Variants in MYPN observed in about 807,000 individuals in gnomAD.
MYPN encodes the protein sarcomeric protein myopalladin, 145 kDa (MYOP).
Under a neutral mutation model 129.4 loss-of-function variants are expected in MYPN, and 63 were observed. The ratio of observed to expected loss-of-function variants is 0.49; its 90% confidence interval spans 0.40 to 0.60. The LOEUF (loss-of-function observed/expected upper bound fraction) is 0.60, where lower values mean the gene tolerates loss of function less well. Ranked by LOEUF, MYPN falls within the 20% of genes least tolerant of loss-of-function variation. The probability of loss-of-function intolerance (pLI) is 0.00; values close to 1 mark genes in which losing one functional copy is unlikely to be tolerated. For synonymous variants in MYPN, 629 were observed against 600.9 expected (o/e 1.05, Z -0.68); for missense variants, 1,596 against 1,635.4 (o/e 0.98, Z 0.42).
chr10:68,199,778 A>G (rs1160464178), intron 17 of MYPN, among the ~76,000 whole-genome samples: 2 of 152,222 alleles, frequency 1.3e-5, no homozygotes, highest in African/African-American at 4.8e-5. Flanking sequence ...CACCATGTGC[A>G]TAATACCCAT....
rs10997976 is a variant in MYPN at position 68,174,859 on chromosome 10, G to T, written c.2564+203G>T. On this transcript the variant is annotated intron_variant, in intron 11 of 19. Coordinates refer to ENST00000358913, the MANE Select transcript of MYPN (RefSeq NM_032578.4). The stretch of plus-strand genomic sequence containing the variant: ...ATTAATAATTAAAATATCAGGCTAG[G>T]TGTGGTAACTCATGCCTGTAATCCC... Among the ~76,000 whole-genome samples the T allele has an allele frequency of 0.27, 40,657 of 152,056 alleles. 6,081 individuals are homozygous for T. The highest frequency in any genetic ancestry group is 0.68 in the East Asian group (3,529 of 5,156).
At chr10:68,150,633 G>A (rs1267067580) in intron 6 of MYPN, among the ~76,000 whole-genome samples, 2 of 152,146 alleles carry the variant, frequency 1.3e-5, no homozygotes, top group African/African-American at 4.8e-5. Flanking sequence ...ATTTAGTCAA[G>A]CACATTCATT....
At chr10:68,107,341 C>CTTT (rs1217100514), upstream of MYPN, among the ~76,000 whole-genome samples, 3 of 113,452 alleles carry the variant, frequency 2.6e-5, no homozygotes, top group Non-Finnish European at 5.3e-5. Context: ...CTTCTCTTTT[C>CTTT]TTTTTTTTTT....
rs1441943453 is a variant in MYPN, at chr10:68,211,088, CTT to C, written c.*634_*635del. 2.2e-6 allele frequency: 1 copy of C among 454,124 alleles called. No homozygotes were observed. Among genetic ancestry groups the C allele is most frequent in the Non-Finnish European group, 4.4e-6 (1 of 226,804 alleles). 28.1% of individuals were successfully genotyped at this position (454,124 alleles called of 1,614,324 possible). On this transcript the variant is annotated 3_prime_UTR_variant, in exon 20 of 20. Transcript: ENST00000358913. ...GAGATTCCAAAAACTTGCTGAAACA[CTT>C]GATATTGCACAGTGCACTTATTTTG... is the stretch of plus-strand genomic sequence containing the variant.
chr10:68,093,182 A>G (rs2041938807), intron 1 of MYPN, among the ~76,000 whole-genome samples: 1 of 152,138 alleles, frequency 6.6e-6, no homozygotes, highest in African/African-American at 2.4e-5. Context: ...CCAGCTGTCT[A>G]CAACATTTTT....
intron 19 of MYPN, among the ~76,000 whole-genome samples, chr10:68,209,026 C>T (rs568207313): frequency 1.2e-4 from 18 of 152,242 alleles, no homozygotes; most frequent in African/African-American, 4.1e-4. Flanking sequence ...TCTGAATTCA[C>T]TCAGAGGTAT....
rs1564686682 is a variant in MYPN at position 68,182,314 on chromosome 10, TATATATAACATATATATAACACACAC to T, written c.2704-6567_2704-6542del. Among the ~76,000 whole-genome samples, 95 of 19,880 alleles carry T rather than the reference TATATATAACATATATATAACACACAC, an allele frequency of 4.8e-3. 2 individuals carry two copies. The highest frequency in any genetic ancestry group is 8.0e-3 in the African/African-American group (65 of 8,124). 13.0% of individuals were successfully genotyped at this position (19,880 alleles called of 152,430 possible). ...ATATAACATATATATAACACACACA[TATATATAACATATATATAACACACAC>T]ATATATAACATATATATAACACATA... On this transcript the variant is annotated intron_variant, in intron 12 of 19. Coordinates refer to ENST00000358913, the MANE Select transcript of MYPN (RefSeq NM_032578.4).
chr10:68,209,296 G>A (rs1312248538), intron 19 of MYPN, among the ~76,000 whole-genome samples: 2 of 152,200 alleles, frequency 1.3e-5, no homozygotes, highest in East Asian at 3.8e-4. Flanking sequence ...AGTCATATCT[G>A]CTAAAAACAG....
chr10:68,149,083 C>G (rs1444298635), intron 5 of MYPN, among the ~76,000 whole-genome samples: 1 of 152,052 alleles, frequency 6.6e-6, no homozygotes, highest in East Asian at 1.9e-4. Flanking sequence ...AAAAAATTAG[C>G]CAGGCATGGT....
chr10:68,182,384 CATATATAACAT>C (rs1285831285), intron 12 of MYPN, among the ~76,000 whole-genome samples: 10 of 94,084 alleles, frequency 1.1e-4, no homozygotes, highest in African/African-American at 4.5e-4. Flanking sequence ...ATATATAACA[CATATATAACAT>C]ATATATAACA....
intron 16 of MYPN, 142 bp downstream of exon 16, chr10:68,197,620 T>A (rs1450013213): frequency 1.1e-6 from 1 of 937,620 alleles, no homozygotes. Flanking sequence ...CTTTTTTTCA[T>A]CATAAGGCTT....
upstream of MYPN, among the ~76,000 whole-genome samples, chr10:68,103,990 A>G (rs1453392712): frequency 2.0e-5 from 3 of 152,094 alleles, no homozygotes; most frequent in African/African-American, 7.2e-5. Flanking sequence ...GTTTGAATCT[A>G]CTCAACTGTG....
At chr10:68,154,040 G>T (rs907139945) in intron 6 of MYPN, among the ~76,000 whole-genome samples, 1 of 152,096 alleles carries the variant, frequency 6.6e-6, no homozygotes, top group African/African-American at 2.4e-5. Context: ...AAGGAGAGTA[G>T]CCCAGCAAAA....
upstream of MYPN, among the ~76,000 whole-genome samples, chr10:68,109,011 G>A (rs1183452150): frequency 6.6e-6 from 1 of 152,152 alleles, no homozygotes; most frequent in African/African-American, 2.4e-5. Context: ...GTGAGCCACT[G>A]CGCCCAGCCA....
intron 1 of MYPN, among the ~76,000 whole-genome samples, chr10:68,119,798 T>C (rs2042215956): frequency 2.6e-5 from 4 of 152,238 alleles, no homozygotes; most frequent in Admixed American, 1.3e-4. Flanking sequence ...TCTCAGTCTG[T>C]GGCAAGTAGG....
intron 2 of MYPN, chr10:68,136,406 G>A (rs756064018): frequency 2.4e-5 from 21 of 861,078 alleles, no homozygotes; most frequent in East Asian, 8.8e-5. Flanking sequence ...ACATGCCACC[G>A]GTCAGGGCAT....
chr10:68,155,973 C>A (rs559664090), intron 6 of MYPN, among the ~76,000 whole-genome samples: 1 of 152,320 alleles, frequency 6.6e-6, no homozygotes, highest in East Asian at 1.9e-4. Context: ...AAATGAATAA[C>A]AACCAACTGA....
intron 3 of MYPN, among the ~76,000 whole-genome samples, chr10:68,143,865 G>A (rs372779519): frequency 1.8e-4 from 28 of 152,036 alleles, no homozygotes; most frequent in African/African-American, 6.0e-4. Flanking sequence ...AGTGATTCTC[G>A]TGCCCCAGCC....
In MYPN at chr10:68,190,187, T is replaced by C. The variant is rs543936882; in HGVS notation, c.2925+1061T>C. 2.1e-5 allele frequency among the ~76,000 whole-genome samples: 3 copies of C among 145,810 alleles called. No homozygotes were observed. The East Asian group carries it at 5.9e-4, about 29-fold the overall frequency. ...GTTTTGAGAAATGTCTATTCAGGTC[T>C]TTTTTGTGTGTGTGTGTGAGACAAA... On this transcript the variant is annotated intron_variant, in intron 13 of 19. Transcript: ENST00000358913.
Sources: allele counts gnomAD v4.1 joint callset (sites outside exome capture counted in the v4.1 genomes callset), GRCh38; gene constraint gnomAD v4.1.1; transcripts MANE v1.5; gene names NCBI Gene and HGNC (gene_info 2026-07-23, HGNC 2026-07-21).